CSMD2: variants seen among roughly 807,000 people sequenced by gnomAD.
The protein encoded by CSMD2 is CUB and sushi domain-containing protein 2.
CSMD2 carries 130 observed loss-of-function variants against 398.5 expected under a neutral mutation model. The ratio of observed to expected loss-of-function variants is 0.33; its 90% confidence interval spans 0.28 to 0.38. CSMD2 has a LOEUF of 0.38. CSMD2 is among the 10% of genes least tolerant of loss of function. CSMD2 has a pLI of 1.00. For synonymous variants in CSMD2, 1,828 were observed against 1,908.5 expected (o/e 0.96, Z 1.10); for missense variants, 3,829 against 4,764.9 (o/e 0.80, Z 5.78).
At chr1:33,531,664 C>T (rs947503576) in intron 64 of CSMD2, among the ~76,000 whole-genome samples, 14 of 152,182 alleles carry the variant, frequency 9.2e-5, no homozygotes, top group African/African-American at 3.4e-4. Context: ...ACAGATGCCA[C>T]AACATGGTTA....
At chr1:34,139,336 T>A (rs1387162048) in intron 1 of CSMD2, among the ~76,000 whole-genome samples, 9 of 152,192 alleles carry the variant, frequency 5.9e-5, no homozygotes, top group Non-Finnish European at 1.5e-5. Context: ...TGTGATGCCC[T>A]GTGCCACCAT....
At chr1:34,019,822 G>A (rs1305410299) in intron 3 of CSMD2, among the ~76,000 whole-genome samples, 1 of 152,024 alleles carries the variant, frequency 6.6e-6, no homozygotes, top group Non-Finnish European at 1.5e-5. Flanking sequence ...GTTCAGCTCC[G>A]GCCACACCCC....
chr1:34,095,619 A>T (rs1571102175), intron 1 of CSMD2, among the ~76,000 whole-genome samples: 2 of 151,752 alleles, frequency 1.3e-5, no homozygotes, highest in Non-Finnish European at 2.9e-5. Context: ...CCATCAGAGA[A>T]TACTACAAAC....
chr1:33,772,533 G>A, intron 13 of CSMD2, 36 bp downstream of exon 13: 1 of 1,588,100 alleles, frequency 6.3e-7, no homozygotes, highest in Non-Finnish European at 8.6e-7. Flanking sequence ...GCCTCTCAGT[G>A]AAGACCCTGG....
intron 39 of CSMD2, 73 bp from the exon 40 acceptor site, chr1:33,614,693 G>A (rs1641269450): frequency 3.7e-6 from 3 of 815,420 alleles, no homozygotes; most frequent in South Asian, 1.6e-5. Flanking sequence ...ATGTTTGGAA[G>A]CTCCCTTCAA....
chr1:33,662,260 A>C (rs1451558358), intron 26 of CSMD2, among the ~76,000 whole-genome samples: 1 of 152,178 alleles, frequency 6.6e-6, no homozygotes, highest in Non-Finnish European at 1.5e-5. Flanking sequence ...TCTGCACTCA[A>C]CTAAGAACCT....
intron 3 of CSMD2, among the ~76,000 whole-genome samples, chr1:34,001,903 T>A (rs1310897603): frequency 2.0e-5 from 3 of 152,056 alleles, no homozygotes; most frequent in African/African-American, 7.2e-5. Context: ...GCTGCAAAAA[T>A]AATAATAATA....
intron 1 of CSMD2, among the ~76,000 whole-genome samples, chr1:34,132,276 C>T (rs1663432291): frequency 6.6e-6 from 1 of 152,052 alleles, no homozygotes; most frequent in African/African-American, 2.4e-5. Context: ...TTTCCCTTCC[C>T]CTAATAAAGC....
At chr1:33,946,920 C>A (rs1183510861) in intron 3 of CSMD2, among the ~76,000 whole-genome samples, 1 of 152,220 alleles carries the variant, frequency 6.6e-6, no homozygotes, top group East Asian at 1.9e-4. Context: ...TAGGCATGAG[C>A]CACCCCGCCC....
chr1:33,638,511 A>G (rs1642931778), intron 29 of CSMD2, among the ~76,000 whole-genome samples: 1 of 152,240 alleles, frequency 6.6e-6, no homozygotes, highest in Non-Finnish European at 1.5e-5. Context: ...CATCAGCTAA[A>G]TTCTACATTT....
chr1:34,023,582 C>T (rs1267773028), intron 3 of CSMD2, among the ~76,000 whole-genome samples: 1 of 152,120 alleles, frequency 6.6e-6, no homozygotes, highest in African/African-American at 2.4e-5. Context: ...TTCTTGCCCT[C>T]GGAGAGCCAC....
At chr1:34,041,697 T>C (rs1651859769) in intron 2 of CSMD2, among the ~76,000 whole-genome samples, 1 of 152,044 alleles carries the variant, frequency 6.6e-6, no homozygotes, top group African/African-American at 2.4e-5. Flanking sequence ...AGTAGGCACG[T>C]ATAGTCTGGG....
upstream of CSMD2, chr1:34,165,272 C>G: frequency 8.4e-7 from 1 of 1,187,936 alleles, no homozygotes; most frequent in Non-Finnish European, 1.0e-6. Context: ...GCGCTGCGCT[C>G]TCGGAAATGA....
chr1:33,852,446 G>A (rs1338693823), intron 5 of CSMD2, among the ~76,000 whole-genome samples: 2 of 152,194 alleles, frequency 1.3e-5, no homozygotes, highest in Non-Finnish European at 2.9e-5. Flanking sequence ...CCTGGAATGC[G>A]ACTAGTACTT....
At chr1:34,154,897 T>G (rs930539335) in intron 1 of CSMD2, among the ~76,000 whole-genome samples, 2 of 152,046 alleles carry the variant, frequency 1.3e-5, no homozygotes, top group African/African-American at 4.8e-5. Context: ...CTGGCTAATT[T>G]TTGTATTTTT....
In CSMD2 at chr1:33,772,623, C is replaced by T. The variant is rs538186603; in HGVS notation, c.1792G>A (p.Ala598Thr). ...QPAFELVGQK[A>T]ITCQKNNQWS... The stretch of plus-strand genomic sequence containing the variant: ...TGGTTATTCTTTTGGCATGTGATTG[C>T]CTTCTGTCCCACCAGCTCAAAGGCG... The change falls in exon 13 of 71, where the codon GCA (alanine) becomes ACA (threonine). Residue 598 changes from alanine (A) to threonine (T), a missense_variant. By Grantham distance (58) the Ala-to-Thr change is moderately conservative (BLOSUM62 0). Transcript: ENST00000373381. 1 of 1,614,108 alleles carries T rather than the reference C, an allele frequency of 6.2e-7. No individual in the cohort carries two copies. Among genetic ancestry groups the T allele is most frequent in the Non-Finnish European group, 8.5e-7 (1 of 1,180,002 alleles).
In CSMD2 at chr1:33,732,739, TCTC is replaced by T. The variant is rs145632689; in HGVS notation, c.2369-6057_2369-6055del. 4.1e-3 allele frequency among the ~76,000 whole-genome samples: 617 copies of T among 152,284 alleles called. 6 individuals are homozygous for T. The highest frequency in any genetic ancestry group is 0.014 in the African/African-American group (586 of 41,548). On this transcript the variant is annotated intron_variant, in intron 15 of 70. Coordinates refer to ENST00000373381, the MANE Select transcript of CSMD2 (RefSeq NM_001281956.2). ...TGTCCCCTGTGAGGGATGAGCCACT[TCTC>T]CTGACCCTGATGCTAAAGTTGTGCA... is the stretch of plus-strand genomic sequence containing the variant.
At chr1:34,126,367 C>T (rs1293997865) in intron 1 of CSMD2, among the ~76,000 whole-genome samples, 1 of 152,160 alleles carries the variant, frequency 6.6e-6, no homozygotes, top group Non-Finnish European at 1.5e-5. Flanking sequence ...GAGACCTGAA[C>T]TAAACTACCT....
At chr1:33,701,857 T>A (rs1347069971) in intron 22 of CSMD2, among the ~76,000 whole-genome samples, 1 of 152,240 alleles carries the variant, frequency 6.6e-6, no homozygotes, top group Non-Finnish European at 1.5e-5. Flanking sequence ...AAGGCATTTA[T>A]CATCAATGGA....
Sources: gnomAD v4.1 joint callset for allele counts (sites outside exome capture counted in the v4.1 genomes callset) on GRCh38, gnomAD v4.1.1 for gene constraint, MANE v1.5 for transcripts, NCBI Gene and HGNC (gene_info 2026-07-23, HGNC 2026-07-21) for gene names.